The following SLC24A2 variants were observed in gnomAD, a reference collection of about 807,000 sequenced individuals.
SLC24A2 encodes the protein solute carrier family 24 member 2.
In SLC24A2, 36 loss-of-function variants were observed where a neutral mutation model predicts 62.0. The ratio of observed to expected loss-of-function variants is 0.58; its 90% CI spans 0.44 to 0.77. The LOEUF (loss-of-function observed/expected upper bound fraction) is 0.77. Among genes scored for constraint, SLC24A2 ranks in the 30% least tolerant of loss-of-function variants. The probability of loss-of-function intolerance (pLI) is 0.00; values close to 1 mark genes in which losing one functional copy is unlikely to be tolerated. For missense variants in SLC24A2, 846 were observed against 817.9 expected (o/e 1.03, Z -0.42); for synonymous variants, 358 against 294.0 (o/e 1.22, Z -2.23).
the SLC24A2 span, among the ~76,000 whole-genome samples, chr9:19,893,149 C>T: frequency 9.2e-5 from 14 of 152,110 alleles, no homozygotes; most frequent in Admixed American, 3.9e-4. Flanking sequence ...TTTTGAGTGG[C>T]GGGCAGAGAA....
At chr9:20,086,796 G>A in the SLC24A2 span, among the ~76,000 whole-genome samples, 4 of 152,112 alleles carry the variant, frequency 2.6e-5, no homozygotes, top group African/African-American at 9.7e-5. Context: ...TTTTGTTCCT[G>A]CCCGTGAGAA....
At chr9:20,155,884 G>A in the SLC24A2 span, among the ~76,000 whole-genome samples, 31 of 151,820 alleles carry the variant, frequency 2.0e-4, no homozygotes, top group African/African-American at 6.8e-4. Context: ...AAAAATGGAT[G>A]ACAAATTACT....
At chr9:20,074,118 C>G in the SLC24A2 span, among the ~76,000 whole-genome samples, 1 of 152,032 alleles carries the variant, frequency 6.6e-6, no homozygotes, top group Non-Finnish European at 1.5e-5. Context: ...GCTCTACCCA[C>G]TGTTCCATCA....
intron 2 of SLC24A2, among the ~76,000 whole-genome samples, chr9:19,764,807 A>T (rs991522437): frequency 2.0e-5 from 3 of 152,184 alleles, no homozygotes; most frequent in African/African-American, 7.2e-5. Flanking sequence ...GTAGATGTCT[A>T]TTAGGTCCTC....
At chr9:20,201,288 A>G in the SLC24A2 span, among the ~76,000 whole-genome samples, 1 of 152,240 alleles carries the variant, frequency 6.6e-6, no homozygotes, top group African/African-American at 2.4e-5. Context: ...ATACAGAGAA[A>G]GGGAGGCTTC....
intron 7 of SLC24A2, among the ~76,000 whole-genome samples, chr9:19,556,701 A>C (rs12340099): frequency 0.18 from 27,862 of 152,102 alleles, 3,897 homozygotes; most frequent in African/African-American, 0.39. Context: ...TTCAGTGTGG[A>C]ATGATGCTGG....
At chr9:20,287,188 C>T in the SLC24A2 span, among the ~76,000 whole-genome samples, 70 of 152,288 alleles carry the variant, frequency 4.6e-4, no homozygotes, top group East Asian at 0.013. Flanking sequence ...AGAAAAATGA[C>T]ATTTATTCAA....
chr9:20,062,761 C>A, the SLC24A2 span, among the ~76,000 whole-genome samples: 2 of 125,962 alleles, frequency 1.6e-5, no homozygotes, highest in Non-Finnish European at 1.6e-5. Context: ...GGGCTAATAT[C>A]CAGAATCTAC....
At chr9:19,831,109 T>TTCTG in the SLC24A2 span, among the ~76,000 whole-genome samples, 16 of 152,152 alleles carry the variant, frequency 1.1e-4, no homozygotes, top group Non-Finnish European at 1.9e-4. Context: ...TTCATGGGGG[T>TTCTG]TCTGCCCTCA....
At chr9:20,142,398 C>T in the SLC24A2 span, among the ~76,000 whole-genome samples, 2 of 151,990 alleles carry the variant, frequency 1.3e-5, no homozygotes, top group Non-Finnish European at 2.9e-5. Context: ...CAGACATGGA[C>T]ATAGTATTAA....
intron 2 of SLC24A2, among the ~76,000 whole-genome samples, chr9:19,663,090 C>A (rs187513245): frequency 2.5e-3 from 377 of 152,290 alleles, no homozygotes; most frequent in Middle Eastern, 0.01. Flanking sequence ...TGGCTAACTG[C>A]CCAACATACT....
At position 19,786,323 on chromosome 9, in the gene SLC24A2, C is replaced by A; in HGVS notation, c.544G>T (p.Ala182Ser). 6.2e-7 allele frequency: 1 copy of A among 1,614,156 alleles called. No homozygotes were observed. The highest frequency in any genetic ancestry group is 8.5e-7 in the Non-Finnish European group (1 of 1,180,036). The change falls in exon 2 of 11, where the codon GCA (alanine) becomes TCA (serine). Residue 182 changes from alanine to serine, a missense_variant. Transcript: ENST00000341998. This position sits in a 1 kb window ranked among gnomAD's most constrained non-coding sequence, Gnocchi z 5.0. Reference protein sequence around the residue: ...DDVAGATFMAAGGSAPELFTS... With the variant: ...DDVAGATFMASGGSAPELFTS... Reference sequence around the variant, plus strand: ...AAAAGTTCTGGGGCTGACCCTCCTGCAGCCATGAAGGTGGCTCCAGCCACA... The same window carrying A: ...AAAAGTTCTGGGGCTGACCCTCCTGAAGCCATGAAGGTGGCTCCAGCCACA...
chr9:19,739,268 T>C (rs1821603326), intron 2 of SLC24A2, among the ~76,000 whole-genome samples: 1 of 152,230 alleles, frequency 6.6e-6, no homozygotes. Flanking sequence ...TGTAAATAAG[T>C]CATTTCTACT....
chr9:19,919,641 T>C, the SLC24A2 span, among the ~76,000 whole-genome samples: 1 of 152,118 alleles, frequency 6.6e-6, no homozygotes, highest in Non-Finnish European at 1.5e-5. Context: ...ACTGGGTAAT[T>C]TATAAAGAAA....
At chr9:20,242,136 A>T in the SLC24A2 span, among the ~76,000 whole-genome samples, 1 of 152,146 alleles carries the variant, frequency 6.6e-6, no homozygotes, top group Non-Finnish European at 1.5e-5. Context: ...GAGATTTGAC[A>T]TTCTTTTTCC....
chr9:19,697,898 G>C (rs1039740247), intron 2 of SLC24A2, among the ~76,000 whole-genome samples: 1 of 151,728 alleles, frequency 6.6e-6, no homozygotes, highest in Non-Finnish European at 1.5e-5. Context: ...CTTCATACAT[G>C]GTATGTTCCC....
At chr9:20,065,587 T>C in the SLC24A2 span, among the ~76,000 whole-genome samples, 25,458 of 152,164 alleles carry the variant, frequency 0.17, 3,677 homozygotes, top group East Asian at 0.66. Flanking sequence ...ATAACCTACA[T>C]TGTTATACCT....
chr9:20,282,978 G>A, the SLC24A2 span, among the ~76,000 whole-genome samples: 1 of 152,220 alleles, frequency 6.6e-6, no homozygotes, highest in South Asian at 2.1e-4. Context: ...GAGTCAAAGG[G>A]ATAGAAACAT....
At chr9:20,194,401 T>G in the SLC24A2 span, among the ~76,000 whole-genome samples, 1 of 152,114 alleles carries the variant, frequency 6.6e-6, no homozygotes, top group Non-Finnish European at 1.5e-5. Flanking sequence ...TCTCCAAGAT[T>G]ACTGTACACA....
Sources: gnomAD v4.1 joint callset for allele counts (sites outside exome capture counted in the v4.1 genomes callset) on GRCh38, gnomAD v4.1.1 for gene constraint, Gnocchi (gnomAD v3.1) non-coding constraint, MANE v1.5 for transcripts, NCBI Gene and HGNC (gene_info 2026-07-23, HGNC 2026-07-21) for gene names.